Variants in ZNF215 observed in about 807,000 individuals in gnomAD.
ZNF215 encodes BWSCR2-associated zinc finger protein 2.
A neutral mutation model predicts 27.2 loss-of-function variants in ZNF215; 24 were observed. That is an observed-to-expected ratio of 0.88 (90% CI 0.64 to 1.24). The LOEUF (loss-of-function observed/expected upper bound fraction) is 1.24. Ranked by LOEUF, ZNF215 falls within the 50% of genes most tolerant of loss-of-function variation. The pLI is 0.00. For synonymous variants in ZNF215, 210 were observed against 204.0 expected (o/e 1.03, Z -0.25); for missense variants, 675 against 605.7 (o/e 1.11, Z -1.20).
chr11:6,974,856 C>T (rs1385033226), intron 5 of ZNF215, among the ~76,000 whole-genome samples: 1 of 152,080 alleles, frequency 6.6e-6, no homozygotes, highest in Non-Finnish European at 1.5e-5. Context: ...AATTTGACTT[C>T]CTCTTTTCCT....
chr11:6,963,729 G>GT (rs780367721), intron 5 of ZNF215, among the ~76,000 whole-genome samples: 3 of 152,030 alleles, frequency 2.0e-5, no homozygotes, highest in Non-Finnish European at 4.4e-5. Flanking sequence ...CAAAATGACT[G>GT]TATCAATTGG....
intron 4 of ZNF215, 73 bp downstream of exon 4, chr11:6,941,726 C>T (rs2857891): frequency 0.19 from 280,461 of 1,508,188 alleles, 28,650 homozygotes; most frequent in Non-Finnish European, 0.21. Context: ...ATTTTTTGAT[C>T]TTTGAACTTG....
chr11:6,943,696 A>AAG, intron 6 of ZNF215, 55 bp downstream of exon 6: 1 of 1,347,126 alleles, frequency 7.4e-7, no homozygotes, highest in Non-Finnish European at 1.1e-6. Context: ...TCCTAAACAT[A>AAG]CAGACAATGT....
At chr11:6,945,541 T>G (rs1388533) in intron 6 of ZNF215, among the ~76,000 whole-genome samples, 140,810 of 152,194 alleles carry the variant, frequency 0.93, 65,288 homozygotes, top group Non-Finnish European at 0.96. Context: ...CTAAAGTTTT[T>G]AATGACTTCA....
chr11:6,991,049 C>T (rs1851111084), downstream of ZNF215, among the ~76,000 whole-genome samples: 1 of 152,134 alleles, frequency 6.6e-6, no homozygotes, highest in African/African-American at 2.4e-5. Flanking sequence ...TATCACATAC[C>T]AAAATTATAT....
chr11:6,973,526 C>G (rs1210138537), intron 5 of ZNF215, among the ~76,000 whole-genome samples: 3 of 152,088 alleles, frequency 2.0e-5, no homozygotes, highest in South Asian at 2.1e-4. Flanking sequence ...GTGTAAAAGT[C>G]TTCCTATTTC....
intron 6 of ZNF215, among the ~76,000 whole-genome samples, chr11:6,944,363 A>G (rs934625629): frequency 1.3e-5 from 2 of 150,576 alleles, no homozygotes; most frequent in African/African-American, 4.9e-5. Context: ...ACTTTATACT[A>G]GAGTGATTTC....
chr11:6,971,889 T>C (rs1324368933), intron 5 of ZNF215, among the ~76,000 whole-genome samples: 1 of 152,150 alleles, frequency 6.6e-6, no homozygotes, highest in Non-Finnish European at 1.5e-5. Flanking sequence ...CATTGTCTCT[T>C]AGGAATAAAC....
intron 2 of ZNF215, 69 bp downstream of exon 2, chr11:6,927,876 T>A (rs1027294937): frequency 6.6e-6 from 1 of 152,254 alleles, no homozygotes; most frequent in Non-Finnish European, 1.5e-5. Context: ...TTTTTTTTAT[T>A]TCCTGAGTTG....
chr11:6,947,258 A>G (rs1317306522), intron 6 of ZNF215, among the ~76,000 whole-genome samples: 1 of 152,210 alleles, frequency 6.6e-6, no homozygotes, highest in Admixed American at 6.5e-5. Flanking sequence ...CAAATAGTTA[A>G]TGGATTGTGG....
intron 5 of ZNF215, 145 bp from the exon 6 acceptor site, chr11:6,943,401 G>C: frequency 9.2e-7 from 1 of 1,088,504 alleles, no homozygotes; most frequent in Non-Finnish European, 1.3e-6. Context: ...TTGAGCCAGA[G>C]ATACACAAGT....
chr11:6,992,803 T>C (rs118165703), downstream of ZNF215, among the ~76,000 whole-genome samples: 418 of 151,434 alleles, frequency 2.8e-3, no homozygotes, highest in Admixed American at 4.8e-3. Context: ...AGTCACATTA[T>C]TGTTAAGTAA....
chr11:6,964,037 A>G (rs1438137335), intron 5 of ZNF215, among the ~76,000 whole-genome samples: 1 of 152,062 alleles, frequency 6.6e-6, no homozygotes, highest in East Asian at 1.9e-4. Flanking sequence ...AGTATGTAAT[A>G]GTACCTCATT....
chr11:6,985,698 C>A (rs961672533), downstream of ZNF215, among the ~76,000 whole-genome samples: 13 of 152,134 alleles, frequency 8.5e-5, no homozygotes, highest in Non-Finnish European at 4.4e-5. Flanking sequence ...TTTCAGGATA[C>A]AAAATCAATG....
Position 6,932,149 on chromosome 11 carries a change from T to G in ZNF215, c.-124T>G. On this transcript the variant is annotated 5_prime_UTR_variant, in exon 3 of 7. Transcript: ENST00000278319. ...TCTAAAGTTTCTGGAACTTTCCTCC[T>G]TACCGTGAAATAACTTGGCTTAAAT... is the stretch of plus-strand genomic sequence containing the variant. 8.0e-7 allele frequency: 1 copy of G among 1,255,994 alleles called. No homozygotes were observed. The highest frequency in any genetic ancestry group is 1.8e-5 in the South Asian group (1 of 54,702). The allele number at this position is 1,255,994 out of a possible 1,614,324, so 77.8% of individuals were successfully genotyped here.
downstream of ZNF215, among the ~76,000 whole-genome samples, chr11:6,989,329 G>T (rs1242793034): frequency 3.9e-5 from 6 of 152,026 alleles, no homozygotes; most frequent in East Asian, 7.7e-4. Context: ...CCACGTTTAT[G>T]CCTTCCTATA....
At chr11:6,975,653 A>G (rs760663244) in intron 5 of ZNF215, among the ~76,000 whole-genome samples, 10 of 152,010 alleles carry the variant, frequency 6.6e-5, no homozygotes, top group Non-Finnish European at 1.3e-4. Context: ...CTCCGGTTCT[A>G]TCCACATTGT....
downstream of ZNF215, among the ~76,000 whole-genome samples, chr11:6,993,509 T>A (rs1832597430): frequency 1.3e-5 from 2 of 151,038 alleles, no homozygotes; most frequent in Admixed American, 1.3e-4. Context: ...AGATGGAAAT[T>A]TGGTGTTTTT....
chr11:6,944,475 A>G (rs1479471461), intron 6 of ZNF215, among the ~76,000 whole-genome samples: 7 of 151,062 alleles, frequency 4.6e-5, no homozygotes, highest in Non-Finnish European at 1.0e-4. Flanking sequence ...GGCTGGCCTC[A>G]AACTCCTGAG....
Sources: allele counts gnomAD v4.1 joint callset (sites outside exome capture counted in the v4.1 genomes callset), GRCh38; gene constraint gnomAD v4.1.1; transcripts MANE v1.5; gene names NCBI Gene and HGNC (gene_info 2026-07-23, HGNC 2026-07-21).